Variants in UVRAG observed in about 807,000 individuals in gnomAD.
UVRAG encodes the protein UV radiation resistance associated.
UVRAG carries 19 observed loss-of-function variants against 78.0 expected under a neutral mutation model. The ratio of observed to expected loss-of-function variants is 0.24; its 90% CI spans 0.17 to 0.36. UVRAG has a LOEUF of 0.36. Among genes scored for constraint, UVRAG ranks in the 10% least tolerant of loss-of-function variants. The probability of loss-of-function intolerance (pLI) is 1.00; values close to 1 mark genes in which losing one functional copy is unlikely to be tolerated. For missense variants in UVRAG, 740 were observed against 853.8 expected (o/e 0.87, Z 1.66); for synonymous variants, 323 against 324.6 (o/e 1.00, Z 0.05).
rs554783363 is a variant in UVRAG at position 75,951,464 on chromosome 11, C to T, written c.594-9980C>T. 3.3e-5 allele frequency among the ~76,000 whole-genome samples: 5 copies of T among 152,104 alleles called. No homozygotes were observed. The South Asian group carries it at 1.0e-3, about 32-fold the overall frequency. ...ATGGTGCGATCTCAGCTCACCACAACCTCTGCCTCCCAGGTTCAAGCAATT... is the reference window on the plus strand; with the variant it reads ...ATGGTGCGATCTCAGCTCACCACAATCTCTGCCTCCCAGGTTCAAGCAATT... On this transcript the variant is annotated intron_variant, in intron 6 of 14. Transcript: ENST00000356136.
At chr11:76,131,548 A>T (rs1952512486) in intron 14 of UVRAG, among the ~76,000 whole-genome samples, 1 of 152,198 alleles carries the variant, frequency 6.6e-6, no homozygotes, top group African/African-American at 2.4e-5. Context: ...TGCCTTGTTC[A>T]GTTATACCTT....
intron 6 of UVRAG, among the ~76,000 whole-genome samples, chr11:75,920,058 C>T (rs1332719304): frequency 9.7e-6 from 1 of 102,948 alleles, no homozygotes; most frequent in Non-Finnish European, 1.8e-5. Context: ...CGAAGTCTCG[C>T]TCTGTTGCCC....
chr11:76,139,403 A>G (rs978563013), intron 14 of UVRAG, among the ~76,000 whole-genome samples: 1 of 152,194 alleles, frequency 6.6e-6, no homozygotes, highest in African/African-American at 2.4e-5. Flanking sequence ...AGCTCCTTGG[A>G]GGAAGGGCCT....
Position 76,134,836 on chromosome 11 carries a change from A to G in UVRAG, c.1398-5875A>G, listed in dbSNP as rs557606903. ...TTATAAATAGTCATTAAATATGCCC[A>G]CAGTCATATAACTCAGGGGTGCCCA... is the stretch of plus-strand genomic sequence containing the variant. On this transcript the variant is annotated intron_variant, in intron 14 of 14. Coordinates refer to ENST00000356136, the MANE Select transcript of UVRAG (RefSeq NM_003369.4). Among the ~76,000 whole-genome samples the G allele has an allele frequency of 7.9e-5, 12 of 152,284 alleles. No homozygotes were observed. The South Asian group carries it at 2.5e-3, about 32-fold the overall frequency.
At chr11:75,841,713 C>T (rs760492330) in intron 1 of UVRAG, among the ~76,000 whole-genome samples, 23 of 152,090 alleles carry the variant, frequency 1.5e-4, no homozygotes, top group Non-Finnish European at 2.9e-4. Flanking sequence ...TAATTTTTTG[C>T]TAAATTGCCC....
intron 5 of UVRAG, among the ~76,000 whole-genome samples, chr11:75,904,429 A>T (rs1388354492): frequency 6.6e-6 from 1 of 152,184 alleles, no homozygotes; most frequent in Non-Finnish European, 1.5e-5. Flanking sequence ...ATAATCCTTC[A>T]TCAGAAGTCT....
chr11:76,076,624 C>G (rs1381468518), intron 13 of UVRAG, among the ~76,000 whole-genome samples: 3 of 152,088 alleles, frequency 2.0e-5, no homozygotes, highest in Non-Finnish European at 4.4e-5. Flanking sequence ...TCCTCACCAA[C>G]ACTTATTTTT....
At chr11:75,907,524 T>A (rs1026519243) in intron 5 of UVRAG, among the ~76,000 whole-genome samples, 1 of 152,016 alleles carries the variant, frequency 6.6e-6, no homozygotes, top group Non-Finnish European at 1.5e-5. Flanking sequence ...TTTCTATAAT[T>A]TCTCTTTTTG....
chr11:76,073,228 T>A (rs997776247), intron 13 of UVRAG, among the ~76,000 whole-genome samples: 5 of 152,202 alleles, frequency 3.3e-5, no homozygotes, highest in African/African-American at 9.6e-5. Flanking sequence ...TCACTTCTGC[T>A]GCATACTGAA....
chr11:75,841,830 T>G (rs932588145), intron 1 of UVRAG, among the ~76,000 whole-genome samples: 1 of 152,222 alleles, frequency 6.6e-6, no homozygotes, highest in Non-Finnish European at 1.5e-5. Flanking sequence ...GATAGGTCCC[T>G]TTAATTATCT....
At chr11:76,008,678 C>T (rs976701714) in intron 10 of UVRAG, 129 bp from the exon 11 acceptor site, 5 of 491,854 alleles carry the variant, frequency 1.0e-5, no homozygotes, top group Admixed American at 3.5e-5. Flanking sequence ...CATCATCCAG[C>T]TTCAACAATT....
At chr11:75,889,233 TC>T (rs1452231868) in intron 5 of UVRAG, among the ~76,000 whole-genome samples, 1 of 152,244 alleles carries the variant, frequency 6.6e-6, no homozygotes, top group South Asian at 2.1e-4. Context: ...ATGAAATGTT[TC>T]AGATATCTTT....
At chr11:76,111,417 C>G (rs1952064970) in intron 13 of UVRAG, among the ~76,000 whole-genome samples, 1 of 152,094 alleles carries the variant, frequency 6.6e-6, no homozygotes, top group African/African-American at 2.4e-5. Flanking sequence ...TTCACTTTTC[C>G]CACTCTGTGT....
intron 7 of UVRAG, among the ~76,000 whole-genome samples, chr11:75,972,433 G>A (rs752658189): frequency 7.2e-5 from 11 of 151,990 alleles, no homozygotes; most frequent in Non-Finnish European, 1.0e-4. Flanking sequence ...AGTCCCTCTC[G>A]CACTCACTCT....
At chr11:76,004,436 C>T (rs1054984129) in intron 9 of UVRAG, among the ~76,000 whole-genome samples, 1 of 151,936 alleles carries the variant, frequency 6.6e-6, no homozygotes, top group Admixed American at 6.6e-5. Flanking sequence ...TTCAGATTTA[C>T]TTCTGCTTCT....
At chr11:76,106,138 A>G (rs1451936136) in intron 13 of UVRAG, among the ~76,000 whole-genome samples, 1 of 152,204 alleles carries the variant, frequency 6.6e-6, no homozygotes, top group Non-Finnish European at 1.5e-5. Flanking sequence ...TGGTACATCC[A>G]TAGAATAGAA....
chr11:76,074,177 A>G (rs1304812356), intron 13 of UVRAG, among the ~76,000 whole-genome samples: 2 of 152,238 alleles, frequency 1.3e-5, no homozygotes, highest in East Asian at 3.8e-4. Context: ...TGACCCATAT[A>G]AATGAAAGCC....
At chr11:76,074,936 C>T (rs1951377606) in intron 13 of UVRAG, among the ~76,000 whole-genome samples, 1 of 152,170 alleles carries the variant, frequency 6.6e-6, no homozygotes, top group Non-Finnish European at 1.5e-5. Context: ...AAAATAGCTT[C>T]TCCATCCAAA....
rs956329046 is a variant in UVRAG, at chr11:75,984,333, C to T, written c.826+820C>T. Among the ~76,000 whole-genome samples, 4 of 152,162 alleles carry T rather than the reference C, an allele frequency of 2.6e-5. No individual in the cohort carries two copies. The East Asian group carries it at 7.7e-4, about 29-fold the overall frequency. On this transcript the variant is annotated intron_variant, in intron 8 of 14. Coordinates refer to ENST00000356136, the MANE Select transcript of UVRAG (RefSeq NM_003369.4). ...CATCCCATCAAGTCTACAAAGTGCT[C>T]ATCTGTGTACGGTATTCAATGCTGT... is the stretch of plus-strand genomic sequence containing the variant.
Sources: gnomAD v4.1 joint callset for allele counts (sites outside exome capture counted in the v4.1 genomes callset) on GRCh38, gnomAD v4.1.1 for gene constraint, MANE v1.5 for transcripts, NCBI Gene and HGNC (gene_info 2026-07-23, HGNC 2026-07-21) for gene names.